CDK11B: variants seen among roughly 807,000 people sequenced by gnomAD.
CDK11B encodes the protein cyclin-dependent kinase 11B.
A neutral mutation model predicts 84.0 loss-of-function variants in CDK11B; 37 were observed. The observed-to-expected ratio is 0.44, with a 90% confidence interval of 0.34 to 0.58. CDK11B has a LOEUF of 0.58. Ranked by LOEUF, CDK11B falls within the 20% of genes least tolerant of loss-of-function variation. CDK11B has a pLI of 0.02. For synonymous variants in CDK11B, 269 were observed against 309.8 expected, an observed-to-expected ratio of 0.87 and a Z score of 1.38; for missense variants, 427 against 834.0, an observed-to-expected ratio of 0.51 and a Z score of 6.01.
chr1:1,641,151 G>A (rs764386507), intron 9 of CDK11B, 38 bp from the exon 10 acceptor site: 19 of 1,475,376 alleles, frequency 1.3e-5, no homozygotes, highest in Non-Finnish European at 1.4e-5. Flanking sequence ...GACCAGCACC[G>A]GGGCGAGTGC....
chr1:1,639,667 CAG>C (rs1431145097), intron 11 of CDK11B, among the ~76,000 whole-genome samples: 1 of 151,898 alleles, frequency 6.6e-6, no homozygotes, highest in African/African-American at 2.4e-5. Context: ...GGGCAGTCGA[CAG>C]AGGCCTGCTG....
chr1:1,654,002 C>G (rs1642386422), intron 3 of CDK11B: 8 of 394,868 alleles, frequency 2.0e-5, no homozygotes, highest in South Asian at 1.5e-4. Context: ...GGGTAAGACT[C>G]TGTGTCAAAG....
chr1:1,658,422 T>C (rs17162776), intron 1 of CDK11B, among the ~76,000 whole-genome samples: 20,966 of 104,268 alleles, frequency 0.2, 1,395 homozygotes, highest in East Asian at 0.3. Flanking sequence ...CACCTCAGTT[T>C]AGTCTTCCGT....
intron 2 of CDK11B, among the ~76,000 whole-genome samples, chr1:1,656,100 G>A (rs1459202715): frequency 6.6e-6 from 1 of 152,170 alleles, no homozygotes; most frequent in Non-Finnish European, 1.5e-5. Flanking sequence ...ACCTCATATG[G>A]TACAGGCATC....
At chr1:1,646,944 T>C (rs1473506821) in intron 5 of CDK11B, 1 of 519,918 alleles carries the variant, frequency 1.9e-6, no homozygotes, top group African/African-American at 1.9e-5. Context: ...TCTTTGGCCT[T>C]TGCCAGTTTG....
At position 1,655,381 on chromosome 1, in the gene CDK11B, G is replaced by C. The variant is rs1222407831; in HGVS notation, c.215C>G (p.Ser72Cys). The C allele has an allele frequency of 2.5e-6, 4 of 1,613,406 alleles. No individual in the cohort carries two copies. Among genetic ancestry groups the C allele is most frequent in the African/African-American group, 1.3e-5 (1 of 74,902 alleles). ...IRNSPYRREDSMEDRGEEDDS... is the reference protein window; with the variant it reads ...IRNSPYRREDCMEDRGEEDDS... ...TACATCCGCTCACCTGTCTTCCATAGAGTCTTCTCTTCTATACGGGGAGTT... is the reference window on the plus strand; with the variant it reads ...TACATCCGCTCACCTGTCTTCCATACAGTCTTCTCTTCTATACGGGGAGTT... The change falls in exon 3 of 20, where the codon TCT becomes TGT. Residue 72 changes from serine to cysteine, a missense_variant. Physicochemically the swap from Ser to Cys is moderately radical, Grantham distance 112. Transcript: ENST00000341832.
rs1167352048 is a variant in CDK11B at position 1,649,696 on chromosome 1, C to T, written c.356-59G>A. The T allele has an allele frequency of 4.0e-4, 631 of 1,566,988 alleles. No homozygotes were observed. The African/African-American group carries it at 4.5e-3, about 11-fold the overall frequency. ...TCACTTCAAAAATTTCACATGAAGC[C>T]GGGCACGGAGGCTTATGCCTGTAAT... On this transcript the variant is annotated intron_variant, in intron 4 of 19. Coordinates refer to ENST00000341832, the MANE Select transcript of CDK11B (RefSeq NM_033486.3).
rs368684206 is a variant in CDK11B at position 1,636,709 on chromosome 1, T to A, written c.1890A>T (p.Glu630Asp). ...TGAACACCTTGTTGATCTGATCGAT[T>A]TCTGACTTCCCGGGGAACAGAGGCT... ...TQKPLFPGKS[E>D]IDQINKVFKD... Residue 630 changes from glutamate (E) to aspartate (D), a missense_variant, in exon 17 of 20, where the codon GAA becomes GAT. Around this residue, in one of 12 missense-constraint regions of CDK11B, gnomAD observed 170 missense variants for 196.0 expected, o/e 0.87. Transcript: ENST00000341832. The A allele has an allele frequency of 3.8e-5, 61 of 1,613,850 alleles. No homozygotes were observed. The highest frequency in any genetic ancestry group is 5.1e-5 in the Non-Finnish European group (60 of 1,179,882).
chr1:1,656,546 T>C (rs1409746098), intron 2 of CDK11B, among the ~76,000 whole-genome samples: 1 of 151,976 alleles, frequency 6.6e-6, no homozygotes, highest in Non-Finnish European at 1.5e-5. Context: ...TCCCAGCACT[T>C]TGGGAGGCCG....
intron 11 of CDK11B, among the ~76,000 whole-genome samples, chr1:1,638,986 G>C (rs1639832019): frequency 6.8e-6 from 1 of 147,970 alleles, no homozygotes; most frequent in South Asian, 2.1e-4. Context: ...TGTCACCCAG[G>C]CTGGAGTGCA....
chr1:1,653,004 T>G (rs1642206579), intron 3 of CDK11B, among the ~76,000 whole-genome samples: 1 of 151,824 alleles, frequency 6.6e-6, no homozygotes, highest in Non-Finnish European at 1.5e-5. Flanking sequence ...ATTACAGGCG[T>G]GAGCCACTGC....
chr1:1,651,725 G>A (rs1337680336), intron 4 of CDK11B, among the ~76,000 whole-genome samples: 1 of 150,392 alleles, frequency 6.6e-6, no homozygotes, highest in Non-Finnish European at 1.5e-5. Context: ...TGTGACACAC[G>A]CATGCTTTCA....
intron 1 of CDK11B, among the ~76,000 whole-genome samples, chr1:1,657,968 G>A (rs1364501052): frequency 2.7e-5 from 4 of 149,908 alleles, no homozygotes; most frequent in Non-Finnish European, 4.4e-5. Context: ...AGGTCAGGAG[G>A]TCAAGACCAG....
rs1046458106 is a variant in CDK11B at position 1,640,313 on chromosome 1, G to C, written c.1215C>G (p.Leu405=). 10 of 1,613,548 alleles carry C rather than the reference G, an allele frequency of 6.2e-6. 1 individual carries two copies. Among genetic ancestry groups the C allele is most frequent in the African/African-American group, 1.3e-5 (1 of 74,940 alleles). The part of the protein sequence containing the change: ...PDSPALSPIE[L]KQELPKYLPA... ...GCAGGTACTTGGGCAGCTCCTGCTT[G>C]AGCTCGATGGGCGACAGGGCAGGGG... Residue 405 remains leucine, a synonymous_variant, in exon 11 of 20, where the codon CTC becomes CTG. Coordinates refer to ENST00000341832, the MANE Select transcript of CDK11B (RefSeq NM_033486.3).
intron 5 of CDK11B, among the ~76,000 whole-genome samples, chr1:1,647,424 T>G (rs1016111641): frequency 1.3e-5 from 2 of 152,272 alleles, no homozygotes; most frequent in Non-Finnish European, 2.9e-5. Context: ...GGCCACCCCG[T>G]TCCTTCCCAC....
intron 5 of CDK11B, among the ~76,000 whole-genome samples, chr1:1,647,649 C>T (rs1386189363): frequency 3.9e-5 from 6 of 152,264 alleles, no homozygotes; most frequent in African/African-American, 9.6e-5. Flanking sequence ...GGTCCTTTCA[C>T]GCAGCTGCAT....
In CDK11B at chr1:1,653,112, A is replaced by G. The variant is rs562455399; in HGVS notation, c.228-546T>C. Among the ~76,000 whole-genome samples, 571 of 152,058 alleles carry G rather than the reference A, an allele frequency of 3.8e-3. 7 individuals are homozygous for G. In the South Asian group the frequency reaches 0.047, roughly 13 times the overall value. On this transcript the variant is annotated intron_variant, in intron 3 of 19. Coordinates refer to ENST00000341832, the MANE Select transcript of CDK11B (RefSeq NM_033486.3). ...TCGGCTCATTGCAACCTCCCCTTCC[A>G]GTCCCAGGTTCAAGCAATTCTCCTG...
chr1:1,656,616 C>T (rs986957976), intron 2 of CDK11B, among the ~76,000 whole-genome samples: 10 of 152,108 alleles, frequency 6.6e-5, no homozygotes, highest in African/African-American at 2.2e-4. Context: ...CGTGAGACCC[C>T]ATCTCTACTA....
intron 4 of CDK11B, among the ~76,000 whole-genome samples, chr1:1,651,584 C>T (rs1642010694): frequency 2.0e-5 from 3 of 151,752 alleles, no homozygotes; most frequent in Admixed American, 6.6e-5. Context: ...GGAGTTTGCT[C>T]TCTCTGGTTT....
Sources: gnomAD v4.1 joint callset for allele counts (sites outside exome capture counted in the v4.1 genomes callset) on GRCh38, gnomAD v4.1.1 for gene constraint, gnomAD v4.1.1 regional missense constraint, MANE v1.5 for transcripts, NCBI Gene and HGNC (gene_info 2026-07-23, HGNC 2026-07-21) for gene names.